The following HCN1 variants were observed in gnomAD, a reference collection of about 807,000 sequenced individuals.
HCN1 encodes the protein hyperpolarization activated cyclic nucleotide gated potassium channel 1, also known as potassium/sodium hyperpolarization-activated cyclic nucleotide-gated channel 1.
Under a neutral mutation model 78.9 loss-of-function variants are expected in HCN1, and 13 were observed. The ratio of observed to expected loss-of-function variants is 0.16; its 90% CI spans 0.11 to 0.26. HCN1 has a LOEUF of 0.26. HCN1 is among the 10% of genes least tolerant of loss of function. The pLI is 1.00. For missense variants in HCN1, 810 were observed against 1,154.3 expected (o/e 0.70, Z 4.32); for synonymous variants, 552 against 455.5 (o/e 1.21, Z -2.70).
At chr5:45,373,418 A>C (rs1305638694) in intron 4 of HCN1, among the ~76,000 whole-genome samples, 1 of 134,156 alleles carries the variant, frequency 7.5e-6, no homozygotes, top group Admixed American at 8.5e-5. Flanking sequence ...ATATATTATA[A>C]TATATATCCC....
intron 4 of HCN1, among the ~76,000 whole-genome samples, chr5:45,384,181 G>T (rs961461819): frequency 6.6e-6 from 1 of 151,970 alleles, no homozygotes; most frequent in Non-Finnish European, 1.5e-5. Context: ...TTACATCCCC[G>T]TGCAGTATTT....
chr5:45,321,181 T>G (rs1256255638), intron 5 of HCN1, among the ~76,000 whole-genome samples: 1 of 151,778 alleles, frequency 6.6e-6, no homozygotes, highest in Non-Finnish European at 1.5e-5. Flanking sequence ...GCCCCCAAAA[T>G]AACATTTGTA....
chr5:45,299,774 C>T (rs978765833), intron 6 of HCN1, among the ~76,000 whole-genome samples: 5 of 151,834 alleles, frequency 3.3e-5, no homozygotes, highest in Non-Finnish European at 7.4e-5. Flanking sequence ...TCTAAAACAG[C>T]GAATACTTTT....
At chr5:45,620,172 C>T (rs1363408857) in intron 2 of HCN1, among the ~76,000 whole-genome samples, 1 of 151,924 alleles carries the variant, frequency 6.6e-6, no homozygotes, top group Non-Finnish European at 1.5e-5. Context: ...TGGCAAAAAA[C>T]AAGGAAAGAC....
intron 4 of HCN1, among the ~76,000 whole-genome samples, chr5:45,389,393 C>T (rs1178278983): frequency 2.6e-5 from 4 of 152,090 alleles, no homozygotes; most frequent in Non-Finnish European, 2.9e-5. Context: ...TCTCTTATCT[C>T]GCCTGTACAT....
intron 4 of HCN1, among the ~76,000 whole-genome samples, chr5:45,382,871 A>G (rs562084364): frequency 2.2e-4 from 33 of 152,294 alleles, no homozygotes; most frequent in African/African-American, 7.9e-4. Flanking sequence ...TGTTATGATT[A>G]AATGGGGGAC....
chr5:45,272,481 T>C (rs979193578), intron 6 of HCN1, among the ~76,000 whole-genome samples: 7 of 152,092 alleles, frequency 4.6e-5, no homozygotes, highest in African/African-American at 1.7e-4. Flanking sequence ...AGTTACCTTA[T>C]AATATCCCTT....
intron 3 of HCN1, among the ~76,000 whole-genome samples, chr5:45,459,971 G>A (rs1741112980): frequency 1.3e-5 from 2 of 151,984 alleles, no homozygotes; most frequent in African/African-American, 4.8e-5. Context: ...GACATCACAG[G>A]TTTGAAAAAT....
Position 45,695,773 on chromosome 5 carries a change from G to A in HCN1, c.321C>T (p.Asn107=). 1 of 1,612,068 alleles carries A rather than the reference G, an allele frequency of 6.2e-7. No individual in the cohort carries two copies. The highest frequency in any genetic ancestry group is 8.5e-7 in the Non-Finnish European group (1 of 1,179,652). The change falls in exon 1 of 8, where the codon AAC becomes AAT. Residue 107 remains asparagine (N), a synonymous_variant. Transcript: ENST00000303230. ...QFTSMLQPGV[N]KFSLRMFGSQ... ...TCCCAAACATGCGGAGGGAGAATTT[G>A]TTGACCCCGGGCTGCAGCATGGAGG... is the stretch of plus-strand genomic sequence containing the variant.
intron 2 of HCN1, among the ~76,000 whole-genome samples, chr5:45,560,665 T>TA (rs1743579499): frequency 6.6e-6 from 1 of 151,996 alleles, no homozygotes; most frequent in East Asian, 1.9e-4. Flanking sequence ...ATTTAACAAA[T>TA]AAAAACAATG....
chr5:45,395,646 C>T (rs1739671109), intron 4 of HCN1, among the ~76,000 whole-genome samples: 1 of 152,144 alleles, frequency 6.6e-6, no homozygotes, highest in Non-Finnish European at 1.5e-5. Flanking sequence ...ATTCTAGAGC[C>T]ATTTTAATCA....
chr5:45,535,629 GAA>G (rs910383061), intron 2 of HCN1, among the ~76,000 whole-genome samples: 1 of 151,864 alleles, frequency 6.6e-6, no homozygotes, highest in African/African-American at 2.4e-5. Context: ...GAACAAAAAA[GAA>G]GACAGGAATA....
At chr5:45,324,767 C>G (rs1017830557) in intron 5 of HCN1, among the ~76,000 whole-genome samples, 1 of 151,674 alleles carries the variant, frequency 6.6e-6, no homozygotes, top group Non-Finnish European at 1.5e-5. Context: ...AGAAATGTCA[C>G]TGAAAAGCTC....
intron 2 of HCN1, chr5:45,644,118 TCA>T (rs1342882713): frequency 6.6e-6 from 1 of 152,112 alleles, no homozygotes; most frequent in Non-Finnish European, 1.5e-5. Flanking sequence ...TGCTACCGCC[TCA>T]CAGAAATCAA....
intron 2 of HCN1, among the ~76,000 whole-genome samples, chr5:45,587,965 A>T (rs1314909757): frequency 6.6e-6 from 1 of 152,134 alleles, no homozygotes; most frequent in African/African-American, 2.4e-5. Flanking sequence ...CAGATAAAAG[A>T]TGGCAGTCTA....
At chr5:45,572,279 T>G (rs1743851524) in intron 2 of HCN1, among the ~76,000 whole-genome samples, 1 of 152,164 alleles carries the variant, frequency 6.6e-6, no homozygotes, top group Non-Finnish European at 1.5e-5. Flanking sequence ...TAAAGTAAAT[T>G]ACAGAAATTG....
intron 3 of HCN1, among the ~76,000 whole-genome samples, chr5:45,442,499 T>C (rs1472357649): frequency 6.6e-6 from 1 of 151,232 alleles, no homozygotes; most frequent in Admixed American, 6.6e-5. Flanking sequence ...TATAAAATGA[T>C]ATATAAGTAT....
intron 2 of HCN1, among the ~76,000 whole-genome samples, chr5:45,527,834 G>A (rs1742770342): frequency 6.6e-6 from 1 of 151,606 alleles, no homozygotes; most frequent in Admixed American, 6.6e-5. Context: ...ATAGTACAGA[G>A]TCAATAAATG....
intron 6 of HCN1, among the ~76,000 whole-genome samples, chr5:45,303,304 G>C (rs1745664240): frequency 6.6e-6 from 1 of 152,120 alleles, no homozygotes; most frequent in African/African-American, 2.4e-5. Context: ...AAACATGTTA[G>C]TGGATGGATG....
Sources: allele counts gnomAD v4.1 joint callset (sites outside exome capture counted in the v4.1 genomes callset), GRCh38; gene constraint gnomAD v4.1.1; transcripts MANE v1.5; gene names NCBI Gene and HGNC (gene_info 2026-07-23, HGNC 2026-07-21).